Variants in PCGF5 observed in about 807,000 individuals in gnomAD.
The protein encoded by PCGF5 is polycomb group RING finger protein 5.
Under a neutral mutation model 44.3 loss-of-function variants are expected in PCGF5, and 9 were observed. The observed-to-expected ratio is 0.20, with a 90% CI of 0.12 to 0.35. PCGF5 has a LOEUF of 0.35. Among genes scored for constraint, PCGF5 ranks in the 10% least tolerant of loss-of-function variants. The pLI, the probability that PCGF5 is intolerant of heterozygous loss-of-function variation, is 1.00. For synonymous variants in PCGF5, 95 were observed against 102.5 expected (o/e 0.93, Z 0.44); for missense variants, 146 against 305.3 (o/e 0.48, Z 3.89).
intron 1 of PCGF5, among the ~76,000 whole-genome samples, chr10:91,199,526 C>G (rs2133231075): frequency 1.3e-5 from 2 of 152,336 alleles, no homozygotes; most frequent in South Asian, 4.1e-4. Context: ...AACAACATCC[C>G]CATCAAGTGC....
At chr10:91,178,451 G>A (rs1236773368) in intron 1 of PCGF5, among the ~76,000 whole-genome samples, 2 of 150,674 alleles carry the variant, frequency 1.3e-5, no homozygotes, top group East Asian at 2.0e-4. Context: ...GTGCAGTGGT[G>A]TGATTATAGC....
intron 3 of PCGF5, among the ~76,000 whole-genome samples, chr10:91,240,873 G>A (rs1845305462): frequency 1.3e-5 from 2 of 151,610 alleles, no homozygotes; most frequent in African/African-American, 4.8e-5. Flanking sequence ...TCCATGTTAT[G>A]TTGAGCTACA....
At chr10:91,208,511 C>T (rs573921196) in intron 1 of PCGF5, among the ~76,000 whole-genome samples, 1 of 152,236 alleles carries the variant, frequency 6.6e-6, no homozygotes, top group African/African-American at 2.4e-5. Context: ...ATCTGTGGAC[C>T]CTGGCTGAAG....
chr10:91,202,889 T>C (rs767770880), intron 1 of PCGF5, among the ~76,000 whole-genome samples: 4 of 152,184 alleles, frequency 2.6e-5, no homozygotes, highest in Non-Finnish European at 5.9e-5. Context: ...ACATGATTAA[T>C]GTTCAGATGA....
chr10:91,235,747 AG>A (rs1845143369), intron 2 of PCGF5, among the ~76,000 whole-genome samples: 1 of 152,208 alleles, frequency 6.6e-6, no homozygotes, highest in Admixed American at 6.5e-5. Flanking sequence ...TTTTAAAAAG[AG>A]GAGTTCCCTT....
intron 1 of PCGF5, among the ~76,000 whole-genome samples, chr10:91,204,241 G>A (rs1015878212): frequency 6.6e-6 from 1 of 151,898 alleles, no homozygotes; most frequent in Non-Finnish European, 1.5e-5. Flanking sequence ...GGGCTGTTAG[G>A]GATGTCTTAG....
chr10:91,236,540 A>G lies in PCGF5; in HGVS notation c.113-3944A>G, dbSNP rs145365824. 5.3e-5 allele frequency among the ~76,000 whole-genome samples: 8 copies of G among 152,332 alleles called. No homozygotes were observed. In the East Asian group the frequency reaches 1.5e-3, roughly 29 times the overall value. ...GTATACATAGTCTTAACCTTAGACT[A>G]GGACCTTTTTAACATCATTCTTGGA... is the stretch of plus-strand genomic sequence containing the variant. On this transcript the variant is annotated intron_variant, in intron 2 of 9. Transcript: ENST00000336126.
chr10:91,175,367 T>C (rs145285683), intron 1 of PCGF5, among the ~76,000 whole-genome samples: 1 of 152,064 alleles, frequency 6.6e-6, no homozygotes, highest in Non-Finnish European at 1.5e-5. Flanking sequence ...AAACCTAGGA[T>C]AGGTAATTCA....
At chr10:91,161,457 A>AACCCACACT, upstream of PCGF5, among the ~76,000 whole-genome samples, 1 of 151,926 alleles carries the variant, frequency 6.6e-6, no homozygotes, top group South Asian at 2.1e-4. Flanking sequence ...GACAGCGACA[A>AACCCACACT]ACCCACACTA....
intron 1 of PCGF5, among the ~76,000 whole-genome samples, chr10:91,167,584 G>GTTAA (rs1843521967): frequency 6.6e-6 from 1 of 152,194 alleles, no homozygotes. Context: ...GAAGAATGTG[G>GTTAA]TTAAACTGGA....
chr10:91,197,666 G>A (rs79316299), intron 1 of PCGF5, among the ~76,000 whole-genome samples: 10,430 of 151,156 alleles, frequency 0.069, 984 homozygotes, highest in African/African-American at 0.21. Context: ...CTTCCAGAGG[G>A]AAAATGGGTT....
chr10:91,248,420 G>A (rs12267225), intron 3 of PCGF5, 85 bp from the exon 4 acceptor site: 84,269 of 1,210,714 alleles, frequency 0.07, 5,569 homozygotes, highest in African/African-American at 0.32. Context: ...TTTGTAACAT[G>A]TATAAGATTA....
intron 1 of PCGF5, among the ~76,000 whole-genome samples, chr10:91,199,180 T>A (rs1039374623): frequency 5.9e-5 from 9 of 152,246 alleles, no homozygotes; most frequent in Non-Finnish European, 1.0e-4. Flanking sequence ...TTCCAGAGTC[T>A]GTGAATTTTA....
At chr10:91,211,070 A>G (rs1005585794) in intron 1 of PCGF5, among the ~76,000 whole-genome samples, 4 of 152,202 alleles carry the variant, frequency 2.6e-5, no homozygotes, top group Non-Finnish European at 5.9e-5. Context: ...AGGAATGGTA[A>G]TGGAGTGCAT....
intron 2 of PCGF5, among the ~76,000 whole-genome samples, chr10:91,231,251 A>G (rs756016148): frequency 1.3e-5 from 2 of 152,178 alleles, no homozygotes; most frequent in Non-Finnish European, 2.9e-5. Context: ...TTCCAGATAC[A>G]ATTCTGGGCA....
upstream of PCGF5, among the ~76,000 whole-genome samples, chr10:91,161,238 G>C (rs554217187): frequency 1.8e-4 from 28 of 152,366 alleles, 1 homozygote; most frequent in South Asian, 5.8e-3. Flanking sequence ...CCTTACCCTA[G>C]TTGAACGTCC....
At chr10:91,235,714 A>T (rs1181528556) in intron 2 of PCGF5, among the ~76,000 whole-genome samples, 1 of 152,152 alleles carries the variant, frequency 6.6e-6, no homozygotes, top group Non-Finnish European at 1.5e-5. Context: ...TCAATAGTGA[A>T]TAAGTCTCAC....
intron 1 of PCGF5, among the ~76,000 whole-genome samples, chr10:91,222,020 G>C (rs533352490): frequency 6.6e-6 from 1 of 152,298 alleles, no homozygotes; most frequent in African/African-American, 2.4e-5. Flanking sequence ...GACGGTGGGA[G>C]AGGAGTGATC....
Position 91,284,102 on chromosome 10 carries a change from G to A in PCGF5, c.*5786G>A, listed in dbSNP as rs1846519378. ...CTCCTTAAATATTTTTTATTTTTGTGCTCAAATGTATTTTCTGTTGATCTA... is the reference window on the plus strand; with the variant it reads ...CTCCTTAAATATTTTTTATTTTTGTACTCAAATGTATTTTCTGTTGATCTA... On this transcript the variant is annotated 3_prime_UTR_variant, in exon 10 of 10. Coordinates refer to ENST00000336126, the MANE Select transcript of PCGF5 (RefSeq NM_032373.5). The A allele has an allele frequency of 6.6e-6, 1 of 152,008 alleles. No homozygotes were observed. The highest frequency in any genetic ancestry group is 1.5e-5 in the Non-Finnish European group (1 of 67,914). 9.4% of individuals were successfully genotyped at this position (152,008 alleles called of 1,614,324 possible). A position where few individuals can be genotyped will look rare whatever the true frequency, so the allele number is the denominator to read the frequency against.
Sources: gnomAD v4.1 joint callset for allele counts (sites outside exome capture counted in the v4.1 genomes callset) on GRCh38, gnomAD v4.1.1 for gene constraint, MANE v1.5 for transcripts, NCBI Gene and HGNC (gene_info 2026-07-23, HGNC 2026-07-21) for gene names.